The following GPHN variants were observed in gnomAD, a reference collection of about 807,000 sequenced individuals.
GPHN encodes gephyrin.
In GPHN, 17 loss-of-function variants were observed where a neutral mutation model predicts 95.5. The ratio of observed to expected loss-of-function variants is 0.18; its 90% CI spans 0.12 to 0.27. The LOEUF is 0.27. Among genes scored for constraint, GPHN ranks in the 10% least tolerant of loss-of-function variants. The pLI is 1.00. For missense variants in GPHN, 660 were observed against 978.1 expected (o/e 0.67, Z 4.34); for synonymous variants, 320 against 322.5 (o/e 0.99, Z 0.08).
At chr14:67,729,473 C>T in the GPHN span, 2 of 1,259,412 alleles carry the variant, frequency 1.6e-6, no homozygotes, top group Non-Finnish European at 2.3e-6. Flanking sequence ...TGAGTTTGTG[C>T]CTGATGATGC....
the GPHN span, among the ~76,000 whole-genome samples, chr14:67,192,132 T>C: frequency 1.3e-5 from 2 of 152,216 alleles, no homozygotes; most frequent in African/African-American, 2.4e-5. Context: ...CCCTGCAACA[T>C]AGCTCTGCAT....
At position 66,569,465 on chromosome 14, in the gene GPHN, C is replaced by T. The variant is rs371271926; in HGVS notation, c.64+60874C>T. 7.9e-5 allele frequency among the ~76,000 whole-genome samples: 12 copies of T among 152,108 alleles called. No homozygotes were observed. In the East Asian group the frequency reaches 1.4e-3, roughly 17 times the overall value. On this transcript the variant is annotated intron_variant, in intron 1 of 22. Coordinates refer to ENST00000478722, the MANE Select transcript of GPHN (RefSeq NM_020806.5). ...ATCACTTGAGGTCAGGAGTTCGAGACCAGCCTGGCCAACATGGTGAAACCC... is the reference window on the plus strand; with the variant it reads ...ATCACTTGAGGTCAGGAGTTCGAGATCAGCCTGGCCAACATGGTGAAACCC...
chr14:66,647,685 CT>C (rs2064833186), intron 1 of GPHN, among the ~76,000 whole-genome samples: 1 of 151,900 alleles, frequency 6.6e-6, no homozygotes, highest in South Asian at 2.1e-4. Context: ...TGAATGTGTT[CT>C]CTGTCACCCT....
chr14:67,489,005 C>A, the GPHN span, among the ~76,000 whole-genome samples: 1 of 152,160 alleles, frequency 6.6e-6, no homozygotes, highest in Admixed American at 6.5e-5. Flanking sequence ...ACTCCCTATC[C>A]CCCAAGAGTA....
At chr14:67,541,872 C>T in the GPHN span, 1 of 1,599,780 alleles carries the variant, frequency 6.3e-7, no homozygotes, top group Non-Finnish European at 8.5e-7. Context: ...TCCATCATGG[C>T]AGAACTCAAG....
the GPHN span, chr14:67,584,269 C>A: frequency 2.7e-6 from 2 of 750,402 alleles, no homozygotes; most frequent in Non-Finnish European, 4.3e-6. Context: ...CCTAGTCCAG[C>A]TTTCCACAGT....
At chr14:66,958,228 T>G (rs2068664164) in intron 8 of GPHN, among the ~76,000 whole-genome samples, 1 of 152,244 alleles carries the variant, frequency 6.6e-6, no homozygotes, top group Non-Finnish European at 1.5e-5. Flanking sequence ...TATCATTATA[T>G]AATGTCTTTT....
intron 10 of GPHN, among the ~76,000 whole-genome samples, chr14:67,036,501 G>GCGCACACACACA (rs1555469785): frequency 1.7e-5 from 2 of 118,148 alleles, no homozygotes; most frequent in African/African-American, 3.9e-5. Context: ...ATACATACAT[G>GCGCACACACACA]CACACACACA....
intron 4 of GPHN, among the ~76,000 whole-genome samples, chr14:66,870,252 C>T (rs2063379616): frequency 6.6e-6 from 1 of 152,152 alleles, no homozygotes; most frequent in Non-Finnish European, 1.5e-5. Context: ...CTGACATCCA[C>T]CTACCCCAAC....
At chr14:67,339,464 C>G in the GPHN span, among the ~76,000 whole-genome samples, 12 of 152,232 alleles carry the variant, frequency 7.9e-5, no homozygotes, top group African/African-American at 2.9e-4. Flanking sequence ...GATGCTAACT[C>G]CAGGTCTAAG....
At chr14:67,497,603 A>C in the GPHN span, among the ~76,000 whole-genome samples, 2 of 152,186 alleles carry the variant, frequency 1.3e-5, no homozygotes, top group Admixed American at 6.5e-5. Flanking sequence ...TATCTATATC[A>C]AGATCCTAAC....
chr14:67,301,861 A>C, the GPHN span: 49 of 1,195,872 alleles, frequency 4.1e-5, no homozygotes, highest in African/African-American at 6.9e-4. Context: ...CTAATTAATT[A>C]TAACACTTTT....
chr14:66,568,141 A>C (rs1261030379), intron 1 of GPHN, among the ~76,000 whole-genome samples: 3 of 152,184 alleles, frequency 2.0e-5, no homozygotes, highest in African/African-American at 7.2e-5. Flanking sequence ...TAACTAATTT[A>C]TTTTTCATTA....
intron 1 of GPHN, among the ~76,000 whole-genome samples, chr14:66,582,964 A>G (rs2061258318): frequency 6.6e-6 from 1 of 152,110 alleles, no homozygotes; most frequent in South Asian, 2.1e-4. Flanking sequence ...CGCCACACTG[A>G]CTTCCACAAT....
intron 1 of GPHN, among the ~76,000 whole-genome samples, chr14:66,645,492 G>A (rs1464816731): frequency 1.3e-5 from 2 of 151,812 alleles, no homozygotes; most frequent in African/African-American, 4.8e-5. Flanking sequence ...TTCAAGACCA[G>A]CCTGGCCAAC....
the GPHN span, among the ~76,000 whole-genome samples, chr14:67,556,558 T>A: frequency 1.3e-5 from 2 of 152,134 alleles, no homozygotes; most frequent in African/African-American, 2.4e-5. Flanking sequence ...GGATTACAGG[T>A]ATGAGCCACC....
At chr14:66,603,381 C>T (rs563662520) in intron 1 of GPHN, among the ~76,000 whole-genome samples, 58 of 151,882 alleles carry the variant, frequency 3.8e-4, no homozygotes, top group African/African-American at 9.2e-4. Context: ...TCATACCGTA[C>T]GAACACTTTT....
the GPHN span, chr14:67,562,608 AG>A: frequency 6.2e-7 from 1 of 1,613,054 alleles, no homozygotes. Flanking sequence ...GACAGCATCC[AG>A]TTGGCCAAAA....
chr14:67,003,039 AC>A (rs1439499316), intron 9 of GPHN, among the ~76,000 whole-genome samples: 4 of 151,542 alleles, frequency 2.6e-5, no homozygotes, highest in Non-Finnish European at 5.9e-5. Flanking sequence ...ATACATGAAC[AC>A]TTAATGTCTT....
Sources: gnomAD v4.1 joint callset for allele counts (sites outside exome capture counted in the v4.1 genomes callset) on GRCh38, gnomAD v4.1.1 for gene constraint, MANE v1.5 for transcripts, NCBI Gene and HGNC (gene_info 2026-07-23, HGNC 2026-07-21) for gene names.